ALKBH3: variants seen among roughly 807,000 people sequenced by gnomAD.
ALKBH3 encodes the protein alkB homolog 3, alpha-ketoglutarate dependent dioxygenase.
A neutral mutation model predicts 43.9 loss-of-function variants in ALKBH3; 51 were observed. That is an observed-to-expected ratio of 1.16 (90% CI 0.93 to 1.47). The LOEUF (loss-of-function observed/expected upper bound fraction) is 1.47. Ranked by LOEUF, ALKBH3 falls within the 40% of genes most tolerant of loss-of-function variation. The pLI is 0.00. For missense variants in ALKBH3, 361 were observed against 351.9 expected, an observed-to-expected ratio of 1.03 and a Z score of -0.21; for synonymous variants, 102 against 115.2, an observed-to-expected ratio of 0.89 and a Z score of 0.73.
chr11:43,906,853 G>A (rs541409486), intron 8 of ALKBH3, among the ~76,000 whole-genome samples: 2 of 152,242 alleles, frequency 1.3e-5, no homozygotes, highest in South Asian at 4.1e-4. Flanking sequence ...GCACTCAACT[G>A]TCTTATTTGT....
At chr11:43,899,116 T>G in intron 7 of ALKBH3, 1 of 770,830 alleles carries the variant, frequency 1.3e-6, no homozygotes, top group East Asian at 2.5e-5. Flanking sequence ...GTCTTTAACA[T>G]CTATCACTCC....
chr11:43,883,300 CAGA>C (rs1951724457), intron 3 of ALKBH3, 112 bp downstream of exon 3: 3 of 711,122 alleles, frequency 4.2e-6, no homozygotes, highest in East Asian at 2.8e-5. Context: ...AATAGCAGAG[CAGA>C]AGAACTATAA....
chr11:43,899,310 G>A (rs1326824665), intron 7 of ALKBH3: 1 of 698,288 alleles, frequency 1.4e-6, no homozygotes. Context: ...CCGGGCCTCT[G>A]CATCCTGCAG....
At chr11:43,890,140 G>A (rs1565123543) in intron 6 of ALKBH3, among the ~76,000 whole-genome samples, 1 of 149,966 alleles carries the variant, frequency 6.7e-6, no homozygotes, top group Non-Finnish European at 1.5e-5. Context: ...TCACTGACTT[G>A]CTTCAAATGG....
chr11:43,895,729 G>A (rs1183452220), intron 7 of ALKBH3, among the ~76,000 whole-genome samples: 1 of 152,160 alleles, frequency 6.6e-6, no homozygotes, highest in East Asian at 1.9e-4. Flanking sequence ...TTGCACTGAT[G>A]GTAATGGTGG....
chr11:43,909,210 T>G (rs2135199695), intron 8 of ALKBH3: 1 of 152,364 alleles, frequency 6.6e-6, no homozygotes, highest in South Asian at 2.1e-4. Context: ...GTTTTTAAAG[T>G]AATGTACTTC....
At chr11:43,902,164 A>G (rs1951868192) in intron 8 of ALKBH3, among the ~76,000 whole-genome samples, 1 of 152,190 alleles carries the variant, frequency 6.6e-6, no homozygotes, top group African/African-American at 2.4e-5. Context: ...AGTGTTCTTC[A>G]TGGTAATATG....
intron 6 of ALKBH3, 121 bp downstream of exon 6, chr11:43,889,949 C>G: frequency 2.4e-6 from 2 of 846,382 alleles, no homozygotes; most frequent in Middle Eastern, 2.3e-4. Flanking sequence ...ACCTGAGATC[C>G]TAAGAAAGTA....
At chr11:43,897,136 G>A (rs1205357761) in intron 7 of ALKBH3, 4 of 426,752 alleles carry the variant, frequency 9.4e-6, no homozygotes, top group Non-Finnish European at 1.9e-5. Context: ...TCAGTTTATT[G>A]CCCTGGCTGA....
chr11:43,891,452 T>C (rs1390318699), intron 6 of ALKBH3, among the ~76,000 whole-genome samples: 1 of 152,178 alleles, frequency 6.6e-6, no homozygotes, highest in African/African-American at 2.4e-5. Context: ...ATTATTATTA[T>C]TATTGTTCTT....
chr11:43,919,554 T>G (rs1952010439), intron 9 of ALKBH3: 1 of 288,356 alleles, frequency 3.5e-6, no homozygotes, highest in Non-Finnish European at 6.5e-6. Context: ...AGATCATTTC[T>G]AAGGTGCACA....
chr11:43,901,390 G>A, intron 7 of ALKBH3, 126 bp from the exon 8 acceptor site: 2 of 971,708 alleles, frequency 2.1e-6, no homozygotes, highest in Admixed American at 2.4e-5. Flanking sequence ...ATTCCATGTG[G>A]TTTGCTTATT....
intron 7 of ALKBH3, among the ~76,000 whole-genome samples, chr11:43,895,135 G>A (rs1481111326): frequency 6.6e-6 from 1 of 152,130 alleles, no homozygotes; most frequent in African/African-American, 2.4e-5. Flanking sequence ...ACAACCATGG[G>A]ATATACTTAA....
In ALKBH3 at chr11:43,887,703, A is replaced by G. The variant is rs117297723; in HGVS notation, c.266+1050A>G. 7.0e-3 allele frequency among the ~76,000 whole-genome samples: 1,073 copies of G among 152,274 alleles called. 25 individuals carry two copies. The highest frequency in any genetic ancestry group is 0.056 in the East Asian group (289 of 5,186). On this transcript the variant is annotated intron_variant, in intron 5 of 9. Coordinates refer to ENST00000302708, the MANE Select transcript of ALKBH3 (RefSeq NM_139178.4). ...TGTGCTGTGAGTGCTACATTATATT[A>G]TTATACTTCATGTATATTACATATT...
At chr11:43,895,762 A>G (rs1230186828) in intron 7 of ALKBH3, among the ~76,000 whole-genome samples, 1 of 152,248 alleles carries the variant, frequency 6.6e-6, no homozygotes, top group Non-Finnish European at 1.5e-5. Flanking sequence ...GCACCTTAGC[A>G]TGAATCAAGC....
chr11:43,913,819 A>G (rs1162335371), intron 8 of ALKBH3, among the ~76,000 whole-genome samples: 1 of 152,260 alleles, frequency 6.6e-6, no homozygotes, highest in East Asian at 1.9e-4. Flanking sequence ...CTGGAGCTGA[A>G]TCTGGCCCTC....
intron 7 of ALKBH3, chr11:43,897,475 C>T: frequency 1.3e-6 from 1 of 742,850 alleles, no homozygotes; most frequent in Non-Finnish European, 2.5e-6. Context: ...AAATACCAGT[C>T]ACCAGTGAGG....
intron 3 of ALKBH3, 75 bp downstream of exon 3, chr11:43,883,263 A>G: frequency 2.0e-6 from 2 of 1,008,128 alleles, no homozygotes; most frequent in African/African-American, 1.6e-5. Context: ...TAGACACTCA[A>G]ATAAATAATG....
At chr11:43,903,844 T>C (rs1331465067) in intron 8 of ALKBH3, among the ~76,000 whole-genome samples, 1 of 152,204 alleles carries the variant, frequency 6.6e-6, no homozygotes, top group African/African-American at 2.4e-5. Flanking sequence ...AATTTCCAAA[T>C]ATTATGCATT....
Sources: gnomAD v4.1 joint callset for allele counts (sites outside exome capture counted in the v4.1 genomes callset) on GRCh38, gnomAD v4.1.1 for gene constraint, MANE v1.5 for transcripts, NCBI Gene and HGNC (gene_info 2026-07-23, HGNC 2026-07-21) for gene names.